HTR1F: variants seen among roughly 807,000 people sequenced by gnomAD.
HTR1F encodes 5-hydroxytryptamine receptor 1F.
HTR1F carries 17 observed loss-of-function variants against 24.0 expected under a neutral mutation model. The ratio of observed to expected loss-of-function variants is 0.71; its 90% CI spans 0.48 to 1.06. The LOEUF is 1.06. Ranked by LOEUF, HTR1F falls within the 50% of genes least tolerant of loss-of-function variation. The pLI is 0.00. For missense variants in HTR1F, 391 were observed against 427.8 expected (o/e 0.91, Z 0.76); for synonymous variants, 186 against 156.8 (o/e 1.19, Z -1.39).
At chr3:87,929,905 A>C (rs1464507218) in intron 2 of HTR1F, among the ~76,000 whole-genome samples, 1 of 152,154 alleles carries the variant, frequency 6.6e-6, no homozygotes, top group Non-Finnish European at 1.5e-5. Context: ...TGGCCAGTTT[A>C]ATAATACTGA....
chr3:87,824,762 G>T (rs1028262607), intron 2 of HTR1F, among the ~76,000 whole-genome samples: 39 of 152,044 alleles, frequency 2.6e-4, no homozygotes, highest in Admixed American at 6.6e-4. Flanking sequence ...TACATTCTTG[G>T]AATTACTTTT....
At chr3:87,977,915 C>T (rs1223237516) in intron 2 of HTR1F, among the ~76,000 whole-genome samples, 2 of 152,198 alleles carry the variant, frequency 1.3e-5, no homozygotes, top group East Asian at 1.9e-4. Flanking sequence ...ACTTGTTCTT[C>T]CCACTCATCC....
At chr3:87,836,531 G>A (rs1306961095) in intron 2 of HTR1F, among the ~76,000 whole-genome samples, 1 of 151,998 alleles carries the variant, frequency 6.6e-6, no homozygotes, top group Non-Finnish European at 1.5e-5. Context: ...ATTGAATAAA[G>A]GTGAAGCTAC....
At chr3:87,813,917 A>C (rs1575898360) in intron 1 of HTR1F, among the ~76,000 whole-genome samples, 1 of 151,574 alleles carries the variant, frequency 6.6e-6, no homozygotes, top group South Asian at 2.1e-4. Flanking sequence ...GAATCAATTA[A>C]ACCTCTTTTT....
chr3:87,831,467 A>T (rs1403578822), intron 2 of HTR1F, among the ~76,000 whole-genome samples: 2 of 151,652 alleles, frequency 1.3e-5, no homozygotes, highest in Non-Finnish European at 2.9e-5. Context: ...GCTTCACGCC[A>T]TTCTCCTACC....
At chr3:87,801,570 C>T (rs1703990108) in intron 1 of HTR1F, among the ~76,000 whole-genome samples, 1 of 152,144 alleles carries the variant, frequency 6.6e-6, no homozygotes, top group South Asian at 2.1e-4. Context: ...GGTGGGGCAT[C>T]TTGAAGCAAG....
rs781595880 is a variant in HTR1F at position 87,993,341 on chromosome 3, A to G, written c.*1491A>G. ...TACTAGATAGAAGATATACGAAATA[A>G]TAAAATACAGTTTTTTTTCCTGAAT... is the stretch of plus-strand genomic sequence containing the variant. On this transcript the variant is annotated 3_prime_UTR_variant, in exon 3 of 3. Coordinates refer to ENST00000319595, the MANE Select transcript of HTR1F (RefSeq NM_001322209.2). The G allele has an allele frequency of 3.9e-5, 6 of 154,990 alleles. No homozygotes were observed. Among genetic ancestry groups the G allele is most frequent in the Non-Finnish European group, 8.1e-5 (5 of 61,468 alleles). The allele number at this position is 154,990 out of a possible 1,614,324, so 9.6% of individuals were successfully genotyped here.
intron 2 of HTR1F, among the ~76,000 whole-genome samples, chr3:87,887,201 C>G (rs1705969067): frequency 6.6e-6 from 1 of 152,070 alleles, no homozygotes; most frequent in Non-Finnish European, 1.5e-5. Flanking sequence ...CCTTTGAAAA[C>G]CTGACAAAAA....
At chr3:87,987,236 AAG>A (rs1705682471) in intron 2 of HTR1F, among the ~76,000 whole-genome samples, 1 of 152,174 alleles carries the variant, frequency 6.6e-6, no homozygotes, top group South Asian at 2.1e-4. Flanking sequence ...ATTTTATGAT[AAG>A]GGAATAGGGG....
At chr3:87,923,489 T>G (rs896876593) in intron 2 of HTR1F, among the ~76,000 whole-genome samples, 1 of 151,992 alleles carries the variant, frequency 6.6e-6, no homozygotes, top group Admixed American at 6.6e-5. Context: ...TAGATATTTT[T>G]GTAGCTATTA....
chr3:87,894,273 C>G (rs1407967493), intron 2 of HTR1F, among the ~76,000 whole-genome samples: 5 of 152,150 alleles, frequency 3.3e-5, no homozygotes, highest in Non-Finnish European at 5.9e-5. Flanking sequence ...TAAGAACATA[C>G]AATGACAGAG....
At chr3:87,943,787 C>T (rs1209866315) in intron 2 of HTR1F, among the ~76,000 whole-genome samples, 1 of 152,304 alleles carries the variant, frequency 6.6e-6, no homozygotes. Context: ...GGCCGGGTTT[C>T]TCCCCCTTGA....
intron 2 of HTR1F, among the ~76,000 whole-genome samples, chr3:87,932,361 G>A (rs934412919): frequency 2.0e-5 from 3 of 152,094 alleles, no homozygotes; most frequent in Non-Finnish European, 2.9e-5. Context: ...TTGTAGATAT[G>A]CAGCGTTATT....
At chr3:87,864,541 G>T (rs1450304028) in intron 2 of HTR1F, among the ~76,000 whole-genome samples, 1 of 152,090 alleles carries the variant, frequency 6.6e-6, no homozygotes, top group Non-Finnish European at 1.5e-5. Context: ...AAGACTGTAG[G>T]TATTCTACTG....
At chr3:87,908,623 T>A (rs1703715237) in intron 2 of HTR1F, among the ~76,000 whole-genome samples, 1 of 152,052 alleles carries the variant, frequency 6.6e-6, no homozygotes. Context: ...TTTAGAGTCA[T>A]GTCCATTTCC....
At chr3:87,881,297 G>T (rs899451784) in intron 2 of HTR1F, among the ~76,000 whole-genome samples, 39 of 152,206 alleles carry the variant, frequency 2.6e-4, no homozygotes, top group Admixed American at 6.5e-4. Flanking sequence ...ATGGCTTGGC[G>T]GGTCCCACAC....
chr3:87,937,498 C>G (rs1463230810), intron 2 of HTR1F, among the ~76,000 whole-genome samples: 1 of 152,178 alleles, frequency 6.6e-6, no homozygotes, highest in Non-Finnish European at 1.5e-5. Flanking sequence ...GACAAACCCA[C>G]AGCCAACATC....
At chr3:87,906,772 G>A (rs1246652015) in intron 2 of HTR1F, among the ~76,000 whole-genome samples, 1 of 151,630 alleles carries the variant, frequency 6.6e-6, no homozygotes, top group African/African-American at 2.4e-5. Flanking sequence ...GCCCCCACTT[G>A]TAAGTGAGAA....
intron 2 of HTR1F, among the ~76,000 whole-genome samples, chr3:87,931,409 T>C (rs900665596): frequency 3.9e-5 from 6 of 152,206 alleles, no homozygotes; most frequent in African/African-American, 1.2e-4. Context: ...TAGTATTCCA[T>C]GGTGTATATG....
Sources: gnomAD v4.1 joint callset for allele counts (sites outside exome capture counted in the v4.1 genomes callset) on GRCh38, gnomAD v4.1.1 for gene constraint, MANE v1.5 for transcripts, NCBI Gene and HGNC (gene_info 2026-07-23, HGNC 2026-07-21) for gene names.